The following RSRP1 variants were observed in gnomAD, a reference collection of about 807,000 sequenced individuals.
RSRP1 encodes arginine/serine-rich protein 1.
RSRP1 carries 37 observed loss-of-function variants against 33.0 expected under a neutral mutation model. That is an observed-to-expected ratio of 1.12 (90% CI 0.86 to 1.48). The LOEUF is 1.48. Ranked by LOEUF, RSRP1 falls within the 40% of genes most tolerant of loss-of-function variation. RSRP1 has a pLI of 0.00. For synonymous variants in RSRP1, 167 were observed against 158.7 expected, an observed-to-expected ratio of 1.05 and a Z score of -0.40; for missense variants, 402 against 385.3, an observed-to-expected ratio of 1.04 and a Z score of -0.36.
intron 3 of RSRP1, chr1:25,244,844 T>C: frequency 9.9e-7 from 1 of 1,006,652 alleles, no homozygotes. Context: ...CCACCATGCC[T>C]GGCTAATTTT....
chr1:25,322,083 A>G, intron 1 of RSRP1: 1 of 538,200 alleles, frequency 1.9e-6, no homozygotes, highest in Middle Eastern at 3.1e-4. Flanking sequence ...AGTAAGGAGC[A>G]TTGCAGGAGG....
rs1177571454 is a variant in RSRP1 at position 25,279,835 on chromosome 1, C to T, written c.-66-32806G>A. ...ATTCCCCTCTGGGTCCAGGCATGGG[C>T]GCCCGGGTAGCACATCCACTTCTTA... On this transcript the variant is annotated intron_variant, in intron 1 of 1. Coordinates refer to the RSRP1 transcript ENST00000561867. 2.3e-5 allele frequency among the ~76,000 whole-genome samples: 3 copies of T among 130,604 alleles called. 1 individual carries two copies. The highest frequency in any genetic ancestry group is 2.0e-4 in the East Asian group (1 of 5,120). 85.7% of individuals were successfully genotyped at this position (130,604 alleles called of 152,430 possible).
In RSRP1 at chr1:25,290,658, T is replaced by C. The variant is rs773065365; in HGVS notation, c.-66-43629A>G. On this transcript the variant is annotated intron_variant, in intron 1 of 1. Transcript: ENST00000561867. ...TCCCCCAGTATTCGGCTGGCCACCA[T>C]GAGTGCTTTGTCGGTGCTGATCTCA... is the stretch of plus-strand genomic sequence containing the variant. 6 of 1,378,550 alleles carry C rather than the reference T, an allele frequency of 4.4e-6. 1 individual carries two copies. Among genetic ancestry groups the C allele is most frequent in the Non-Finnish European group, 6.1e-6 (6 of 978,366 alleles). 85.4% of individuals were successfully genotyped at this position (1,378,550 alleles called of 1,614,324 possible). A position where few individuals can be genotyped will look rare whatever the true frequency, so the allele number is the denominator to read the frequency against.
chr1:25,315,642 G>A lies in RSRP1; in HGVS notation c.-67+22336C>T, dbSNP rs3118452. On this transcript the variant is annotated intron_variant, in intron 1 of 1. Transcript: ENST00000561867. ...CTCCTGAGTAGCTGGGACTACAGGC[G>A]CCTGCCACCACTCCCGGCTAATGTT... Among the ~76,000 whole-genome samples the A allele has an allele frequency of 3.0e-4, 38 of 126,240 alleles. 5 individuals are homozygous for A. Among genetic ancestry groups the A allele is most frequent in the Middle Eastern group, 4.2e-3 (1 of 236 alleles). 82.8% of individuals were successfully genotyped at this position (126,240 alleles called of 152,430 possible). A position where few individuals can be genotyped will look rare whatever the true frequency, so the allele number is the denominator to read the frequency against.
intron 1 of RSRP1, among the ~76,000 whole-genome samples, chr1:25,280,260 G>T (rs1641357169): frequency 7.9e-6 from 1 of 127,370 alleles, no homozygotes. Context: ...AGGGGCAGCA[G>T]CTGTGCCCAA....
intron 1 of RSRP1, among the ~76,000 whole-genome samples, chr1:25,252,511 A>G (rs1639820100): frequency 6.6e-6 from 1 of 151,014 alleles, no homozygotes; most frequent in Non-Finnish European, 1.5e-5. Flanking sequence ...GTGGAGCTTC[A>G]GCGTAGTCTG....
Position 25,276,936 on chromosome 1 carries a change from G to A in RSRP1, c.-66-29907C>T, listed in dbSNP as rs747854545. On this transcript the variant is annotated intron_variant, in intron 1 of 1. Transcript: ENST00000561867. ...AAAAAAATTAGCCGGGTGTGGTGGC[G>A]GGTGCCTGTAGTCCCAGCTACTTGG... Among the ~76,000 whole-genome samples, 6 of 129,596 alleles carry A rather than the reference G, an allele frequency of 4.6e-5. 2 individuals are homozygous for A. Among genetic ancestry groups the A allele is most frequent in the Non-Finnish European group, 1.1e-4 (6 of 54,826 alleles). The allele number at this position is 129,596 out of a possible 152,430, so 85.0% of individuals were successfully genotyped here. A position where few individuals can be genotyped will look rare whatever the true frequency, so the allele number is the denominator to read the frequency against.
chr1:25,305,239 T>G (rs28558364), intron 1 of RSRP1, among the ~76,000 whole-genome samples: 1,776 of 131,196 alleles, frequency 0.014, 289 homozygotes, highest in African/African-American at 0.042. Flanking sequence ...AAGCTTATTG[T>G]TAAGAAGAGT....
chr1:25,245,629 A>G (rs1347292546), intron 2 of RSRP1, among the ~76,000 whole-genome samples: 1 of 152,204 alleles, frequency 6.6e-6, no homozygotes, highest in Non-Finnish European at 1.5e-5. Context: ...AACTTTATTC[A>G]CTGAAAATTC....
rs540631722 is a variant in RSRP1 at position 25,330,672 on chromosome 1, C to T, written c.-67+7306G>A. ...GGGAAGGAGGCTGTGTGTATATCCT[C>T]ATTGTCTTTCACATTCTAAGGTGGT... On this transcript the variant is annotated intron_variant, in intron 1 of 1. Transcript: ENST00000561867. 6.8e-5 allele frequency among the ~76,000 whole-genome samples: 9 copies of T among 132,112 alleles called. 1 individual carries two copies. The South Asian group carries it at 2.1e-3, about 30-fold the overall frequency. The allele number at this position is 132,112 out of a possible 152,430, so 86.7% of individuals were successfully genotyped here.
chr1:25,296,948 G>T (rs1426159556), intron 1 of RSRP1, among the ~76,000 whole-genome samples: 2 of 130,856 alleles, frequency 1.5e-5, no homozygotes, highest in Non-Finnish European at 3.6e-5. Flanking sequence ...AAAACAAGGG[G>T]ACATTCTCTT....
chr1:25,249,464 G>T (rs1302016330), upstream of RSRP1, among the ~76,000 whole-genome samples: 1 of 152,012 alleles, frequency 6.6e-6, no homozygotes, highest in African/African-American at 2.4e-5. Flanking sequence ...TCAGTCTCCC[G>T]AGCATCTGGG....
chr1:25,299,180 G>A (rs1406273672), intron 1 of RSRP1, among the ~76,000 whole-genome samples: 1 of 127,296 alleles, frequency 7.9e-6, no homozygotes, highest in East Asian at 2.0e-4. Context: ...TCAGGAGTTC[G>A]AGACCAGGCT....
In RSRP1 at chr1:25,272,404, G is replaced by A. The variant is rs585314; in HGVS notation, c.-66-25375C>T. 1.6e-5 allele frequency: 19 copies of A among 1,160,208 alleles called. 6 individuals carry two copies. Among genetic ancestry groups the A allele is most frequent in the Non-Finnish European group, 2.3e-5 (19 of 812,526 alleles). 71.9% of individuals were successfully genotyped at this position (1,160,208 alleles called of 1,614,324 possible). A position where few individuals can be genotyped will look rare whatever the true frequency, so the allele number is the denominator to read the frequency against. ...TCTGCTTCCGTGTTAACTCCATAGAGAGGCCAGCACAACCAGCCTTGCAGC... is the reference window on the plus strand; with the variant it reads ...TCTGCTTCCGTGTTAACTCCATAGAAAGGCCAGCACAACCAGCCTTGCAGC... On this transcript the variant is annotated intron_variant, in intron 1 of 1. Coordinates refer to the RSRP1 transcript ENST00000561867.
chr1:25,284,472 C>G (rs1641780881), intron 1 of RSRP1: 7 of 1,107,126 alleles, frequency 6.3e-6, no homozygotes, highest in African/African-American at 1.6e-5. Context: ...AACGATCTTG[C>G]ATGCCCCTTC....
At position 25,297,869 on chromosome 1, in the gene RSRP1, G is replaced by C. The variant is rs1277546680; in HGVS notation, c.-67+40109C>G. 1.5e-5 allele frequency among the ~76,000 whole-genome samples: 2 copies of C among 131,518 alleles called. 1 individual carries two copies. The highest frequency in any genetic ancestry group is 5.3e-5 in the African/African-American group (2 of 38,032). The allele number at this position is 131,518 out of a possible 152,430, so 86.3% of individuals were successfully genotyped here. ...ACAAACAAACACAAAGAACCTCCAAGGGCAGGAGGTGCTGCCAGACTCAGG... is the reference window on the plus strand; with the variant it reads ...ACAAACAAACACAAAGAACCTCCAACGGCAGGAGGTGCTGCCAGACTCAGG... On this transcript the variant is annotated intron_variant, in intron 1 of 1. Transcript: ENST00000561867.
intron 2 of RSRP1, 142 bp downstream of exon 2, chr1:25,246,301 TA>T: frequency 1.5e-6 from 2 of 1,303,216 alleles, no homozygotes; most frequent in East Asian, 4.7e-5. Context: ...TAAATACAGG[TA>T]ATGTCCTCCC....
At chr1:25,335,773 GC>G (rs1645067599) in intron 1 of RSRP1, 1 of 86,926 alleles carries the variant, frequency 1.2e-5, no homozygotes, top group Admixed American at 1.3e-4. Flanking sequence ...ACGATAGTAG[GC>G]CCAACAGATA....
intron 1 of RSRP1, chr1:25,304,859 T>A (rs889212357): frequency 7.6e-6 from 1 of 131,780 alleles, no homozygotes; most frequent in African/African-American, 2.6e-5. Context: ...AAAGAACACA[T>A]AGCAAGTTAT....
Sources: allele counts gnomAD v4.1 joint callset (sites outside exome capture counted in the v4.1 genomes callset), GRCh38; gene constraint gnomAD v4.1.1; transcripts MANE v1.5; gene names NCBI Gene and HGNC (gene_info 2026-07-23, HGNC 2026-07-21).